The following STK26 variants were observed in gnomAD, a reference collection of about 807,000 sequenced individuals.
STK26 encodes serine/threonine-protein kinase 26.
Under a neutral mutation model 34.7 loss-of-function variants are expected in STK26, and 14 were observed. The ratio of observed to expected loss-of-function variants is 0.40; its 90% CI spans 0.27 to 0.63. The LOEUF (loss-of-function observed/expected upper bound fraction) is 0.63, where lower values mean the gene tolerates loss of function less well. Among genes scored for constraint, STK26 ranks in the 30% least tolerant of loss-of-function variants. STK26 has a pLI of 0.38. For missense variants in STK26, 226 were observed against 309.1 expected (o/e 0.73, Z 2.02); for synonymous variants, 100 against 109.8 (o/e 0.91, Z 0.56).
At chrX:132,031,568 T>C (rs1179494957) in intron 2 of STK26, among the ~76,000 whole-genome samples, 1 of 112,267 alleles carries the variant, frequency 8.9e-6, no homozygotes, top group African/African-American at 3.2e-5. Flanking sequence ...TTTGTCTTTC[T>C]GTGCCTGGCT....
intron 3 of STK26, among the ~76,000 whole-genome samples, chrX:132,060,648 C>T (rs1322282157): frequency 1.9e-5 from 2 of 106,745 alleles, no homozygotes; most frequent in African/African-American, 6.9e-5. Context: ...CAGGGTCTCA[C>T]TCTGTCTCCC....
In STK26 at chrX:132,030,147, G is replaced by A. The variant is rs554604405; in HGVS notation, c.42+6488G>A. Among the ~76,000 whole-genome samples the A allele has an allele frequency of 1.5e-4, 17 of 111,943 alleles. No individual in the cohort carries two copies. The Admixed American group carries it at 1.6e-3, about 11-fold the overall frequency. ...TATTTAAATGATTTTCATGTATTAT[G>A]TATAATATGTCTAGCAAAACATTCT... On this transcript the variant is annotated intron_variant, in intron 2 of 11. Coordinates refer to ENST00000394334, the MANE Select transcript of STK26 (RefSeq NM_016542.4).
intron 2 of STK26, among the ~76,000 whole-genome samples, chrX:132,028,842 G>C (rs1202034504): frequency 8.9e-6 from 1 of 111,850 alleles, no homozygotes; most frequent in East Asian, 2.8e-4. Flanking sequence ...GTTGGTACCA[G>C]AGTCCAGTAT....
rs1927548361 is a variant in STK26, at chrX:132,074,803, G to C, written c.*644G>C. 2 of 111,228 alleles carry C rather than the reference G, an allele frequency of 1.8e-5. No homozygotes were observed. Among genetic ancestry groups the C allele is most frequent in the Non-Finnish European group, 3.8e-5 (2 of 52,804 alleles). 9.2% of individuals were successfully genotyped at this position (111,228 alleles called of 1,213,427 possible). ...CAACAGAGGTACCTCTTGGTGTATA[G>C]TATTTACATTCTCTTTTAGGTAGAA... On this transcript the variant is annotated 3_prime_UTR_variant, in exon 12 of 12. Transcript: ENST00000394334.
chrX:132,028,049 T>TTTTG (rs1935140804), intron 2 of STK26, among the ~76,000 whole-genome samples: 2 of 102,320 alleles, frequency 2.0e-5, no homozygotes, highest in Non-Finnish European at 4.0e-5. Flanking sequence ...TTTTTTTTTT[T>TTTTG]GGAGACAATG....
At chrX:132,054,537 T>A in intron 2 of STK26, 94 bp from the exon 3 acceptor site, 1 of 780,207 alleles carries the variant, frequency 1.3e-6, no homozygotes, top group South Asian at 2.7e-5. Flanking sequence ...TACAAAAATG[T>A]GTTATTGTCT....
At position 132,026,595 on chromosome X, in the gene STK26, T is replaced by C. The variant is rs780654500; in HGVS notation, c.42+2936T>C. ...CTTTGAAGTTTTCAGTTATAAATCA[T>C]ACTTAAGTTTAAGATATTTCCCCTT... is the stretch of plus-strand genomic sequence containing the variant. On this transcript the variant is annotated intron_variant, in intron 2 of 11. Transcript: ENST00000394334. 1.7e-4 allele frequency among the ~76,000 whole-genome samples: 19 copies of C among 112,584 alleles called. No homozygotes were observed. In the Admixed American group the frequency reaches 1.8e-3, roughly 11 times the overall value.
In STK26 at chrX:132,034,292, C is replaced by CTTTTTTTT. The variant is rs561602079; in HGVS notation, c.42+10658_42+10665dup. Reference sequence around the variant, plus strand: ...TGAATGCCAGAATGAGACATTTATTCTTTTTTTTTTTTTTTTTTTTTTTTT... The same window carrying CTTTTTTTT: ...TGAATGCCAGAATGAGACATTTATTCTTTTTTTTTTTTTTTTTTTTTTTTTTTTTTTTT... On this transcript the variant is annotated intron_variant, in intron 2 of 11. Transcript: ENST00000394334. 3.8e-3 allele frequency among the ~76,000 whole-genome samples: 159 copies of CTTTTTTTT among 41,368 alleles called. 23 individuals carry two copies. Among genetic ancestry groups the CTTTTTTTT allele is most frequent in the East Asian group, 5.6e-3 (5 of 885 alleles). 35.9% of individuals were successfully genotyped at this position (41,368 alleles called of 115,157 possible). A position where few individuals can be genotyped will look rare whatever the true frequency, so the allele number is the denominator to read the frequency against.
At position 132,072,958 on chromosome X, in the gene STK26, T is replaced by C. The variant is rs1303617299; in HGVS notation, c.1091T>C (p.Leu364Pro). 8.3e-7 allele frequency: 1 copy of C among 1,208,065 alleles called. No individual in the cohort carries two copies. The highest frequency in any genetic ancestry group is 1.1e-6 in the Non-Finnish European group (1 of 894,231). Residue 364 changes from leucine (L) to proline (P), a missense_variant and splice_region_variant, in exon 11 of 12, where the codon CTT (leucine) becomes CCT (proline). By Grantham distance (98) the Leu-to-Pro change is moderately conservative. Around this residue, in one of 2 missense-constraint regions of STK26, gnomAD observed 126 missense variants for 132.4 expected, o/e 0.95. Transcript: ENST00000394334. Reference sequence around the variant, plus strand: ...GTTTTAACTATTATTCTTTCTCAGCTTAAACAGCAGGACGAGAATAACGCT... The same window carrying C: ...GTTTTAACTATTATTCTTTCTCAGCCTAAACAGCAGGACGAGAATAACGCT... ...SMIITPAFAE[L>P]KQQDENNASR...
At chrX:132,040,061 G>T (rs941832714) in intron 2 of STK26, among the ~76,000 whole-genome samples, 2 of 111,979 alleles carry the variant, frequency 1.8e-5, no homozygotes, top group African/African-American at 6.5e-5. Context: ...GCCAAATACT[G>T]TCTGTAACCT....
In STK26 at chrX:132,074,973, T is replaced by C. The variant is rs1927554499; in HGVS notation, c.*814T>C. 1 of 111,639 alleles carries C rather than the reference T, an allele frequency of 9.0e-6. No homozygotes were observed. The highest frequency in any genetic ancestry group is 1.9e-5 in the Non-Finnish European group (1 of 52,920). The allele number at this position is 111,639 out of a possible 1,213,427, so 9.2% of individuals were successfully genotyped here. A position where few individuals can be genotyped will look rare whatever the true frequency, so the allele number is the denominator to read the frequency against. On this transcript the variant is annotated 3_prime_UTR_variant, in exon 12 of 12. Coordinates refer to ENST00000394334, the MANE Select transcript of STK26 (RefSeq NM_016542.4). ...AAAATCCCATACTATCTGCTTGGATTTGGAGAGCCAAAAAATAAAGCTGAT... is the reference window on the plus strand; with the variant it reads ...AAAATCCCATACTATCTGCTTGGATCTGGAGAGCCAAAAAATAAAGCTGAT...
chrX:132,026,988 G>A (rs766963964), intron 2 of STK26, among the ~76,000 whole-genome samples: 1 of 112,330 alleles, frequency 8.9e-6, no homozygotes, highest in Non-Finnish European at 1.9e-5. Flanking sequence ...GCATACTGAC[G>A]TATATTACAT....
chrX:132,062,330 T>C (rs1260460503), intron 3 of STK26, among the ~76,000 whole-genome samples: 1 of 112,131 alleles, frequency 8.9e-6, no homozygotes, highest in Admixed American at 9.4e-5. Context: ...AAAAAGGGTT[T>C]AATGGTTTAT....
intron 8 of STK26, 51 bp from the exon 9 acceptor site, chrX:132,072,217 C>A (rs1327801518): frequency 9.9e-7 from 1 of 1,008,912 alleles, no homozygotes; most frequent in African/African-American, 1.9e-5. Context: ...GTATTTTTGC[C>A]AAGCTGAATC....
At chrX:132,031,712 AT>A (rs1441653032) in intron 2 of STK26, among the ~76,000 whole-genome samples, 1 of 111,966 alleles carries the variant, frequency 8.9e-6, no homozygotes, top group Non-Finnish European at 1.9e-5. Flanking sequence ...TCTTCTGTGC[AT>A]TTCTTACTTG....
At chrX:132,042,823 G>C (rs892909309) in intron 2 of STK26, among the ~76,000 whole-genome samples, 1 of 110,909 alleles carries the variant, frequency 9.0e-6, no homozygotes, top group Admixed American at 9.6e-5. Flanking sequence ...ATTTTCTTTT[G>C]ATCATAAAAT....
At chrX:132,068,050 C>T (rs1278936552) in intron 4 of STK26, among the ~76,000 whole-genome samples, 165 bp from the exon 5 acceptor site, 10 of 111,418 alleles carry the variant, frequency 9.0e-5, no homozygotes, top group Non-Finnish European at 1.9e-4. Flanking sequence ...TTGCTTTCTT[C>T]CTTCACATTT....
At chrX:132,063,559 T>A (rs2124183788) in intron 4 of STK26, 70 bp downstream of exon 4, 1 of 996,446 alleles carries the variant, frequency 1.0e-6, no homozygotes, top group South Asian at 2.2e-5. Flanking sequence ...TTTTTTAAAT[T>A]GAAGATTAAT....
At chrX:132,038,916 T>A in intron 2 of STK26, among the ~76,000 whole-genome samples, 1 of 111,974 alleles carries the variant, frequency 8.9e-6, no homozygotes, top group Non-Finnish European at 1.9e-5. Context: ...GTCCAATTAC[T>A]TTTTTCTAGG....
Sources: allele counts gnomAD v4.1 joint callset (sites outside exome capture counted in the v4.1 genomes callset), GRCh38; gene constraint gnomAD v4.1.1; regional missense constraint gnomAD v4.1.1; transcripts MANE v1.5; gene names NCBI Gene and HGNC (gene_info 2026-07-23, HGNC 2026-07-21).